Variants in DCLK1 observed in about 807,000 individuals in gnomAD.
DCLK1 encodes the protein doublecortin like kinase 1.
A neutral mutation model predicts 86.2 loss-of-function variants in DCLK1; 16 were observed. The ratio of observed to expected loss-of-function variants is 0.19; its 90% CI spans 0.13 to 0.28. DCLK1 has a LOEUF of 0.28. Among genes scored for constraint, DCLK1 ranks in the 10% least tolerant of loss-of-function variants. DCLK1 has a pLI of 1.00. For missense variants in DCLK1, 590 were observed against 940.2 expected, an observed-to-expected ratio of 0.63 and a Z score of 4.87; for synonymous variants, 369 against 370.5, an observed-to-expected ratio of 1.00 and a Z score of 0.05.
At chr13:35,897,913 G>A (rs1444173123) in intron 4 of DCLK1, among the ~76,000 whole-genome samples, 6 of 152,072 alleles carry the variant, frequency 3.9e-5, no homozygotes, top group South Asian at 2.1e-4. Context: ...TAAACTCTGC[G>A]TTTATAAAAA....
intron 10 of DCLK1, among the ~76,000 whole-genome samples, chr13:35,825,415 T>G (rs1466734965): frequency 6.6e-6 from 1 of 152,102 alleles, no homozygotes; most frequent in African/African-American, 2.4e-5. Context: ...GGTATCTTGG[T>G]GATGTAGAGA....
chr13:36,072,486 T>C (rs761740441), intron 3 of DCLK1, among the ~76,000 whole-genome samples: 3 of 152,262 alleles, frequency 2.0e-5, no homozygotes, highest in Non-Finnish European at 4.4e-5. Context: ...TATATGCTAA[T>C]GTCTTCCTGA....
intron 3 of DCLK1, among the ~76,000 whole-genome samples, chr13:36,020,210 CTA>C (rs973788154): frequency 2.0e-5 from 3 of 152,210 alleles, no homozygotes; most frequent in African/African-American, 7.2e-5. Flanking sequence ...CTTCTTTTCT[CTA>C]TAAGTTACCC....
intron 16 of DCLK1, among the ~76,000 whole-genome samples, chr13:35,783,430 G>A (rs1490492920): frequency 1.3e-5 from 2 of 151,898 alleles, no homozygotes; most frequent in Admixed American, 6.6e-5. Flanking sequence ...TCACCTTTTC[G>A]TAGGTGTGGA....
At chr13:36,024,968 C>T (rs867502290) in intron 3 of DCLK1, among the ~76,000 whole-genome samples, 3 of 139,090 alleles carry the variant, frequency 2.2e-5, no homozygotes, top group South Asian at 2.3e-4. Context: ...TCTTTTCTTT[C>T]TTTTTTTTTT....
intron 10 of DCLK1, among the ~76,000 whole-genome samples, chr13:35,823,731 G>A (rs1022814210): frequency 3.9e-5 from 6 of 152,108 alleles, no homozygotes; most frequent in African/African-American, 7.2e-5. Context: ...GTACCAAACC[G>A]CTATGCACAG....
At chr13:35,886,002 G>C (rs1175333682) in intron 4 of DCLK1, among the ~76,000 whole-genome samples, 1 of 144,394 alleles carries the variant, frequency 6.9e-6, no homozygotes, top group Non-Finnish European at 1.5e-5. Flanking sequence ...AGGCTGAATA[G>C]GTTCCTTTTT....
chr13:35,919,428 C>A (rs1243681358), intron 4 of DCLK1, among the ~76,000 whole-genome samples: 3 of 152,046 alleles, frequency 2.0e-5, no homozygotes, highest in African/African-American at 7.2e-5. Flanking sequence ...ACATTTTAAA[C>A]AGGGGATTGT....
intron 8 of DCLK1, among the ~76,000 whole-genome samples, chr13:35,833,739 CACA>C (rs1252434241): frequency 6.6e-6 from 1 of 152,192 alleles, no homozygotes; most frequent in African/African-American, 2.4e-5. Flanking sequence ...GTGTGCCATT[CACA>C]ACATTCTTAG....
intron 10 of DCLK1, among the ~76,000 whole-genome samples, chr13:35,826,523 C>CAAAAAAAAAAAAAAAAAAAAAAA: frequency 5.0e-5 from 1 of 19,818 alleles, no homozygotes; most frequent in Non-Finnish European, 1.3e-4. Flanking sequence ...AACTCCATCT[C>CAAAAAAAAAAAAAAAAAAAAAAA]AAAAAAAAAA....
At chr13:35,868,963 G>C (rs11147590) in intron 5 of DCLK1, 90,169 of 357,426 alleles carry the variant, frequency 0.25, 11,874 homozygotes, top group Admixed American at 0.35. Context: ...GCTAATTTTT[G>C]TATTTTTAGT....
At chr13:36,108,080 A>G (rs1459951204) in intron 3 of DCLK1, among the ~76,000 whole-genome samples, 2 of 121,962 alleles carry the variant, frequency 1.6e-5, no homozygotes, top group Non-Finnish European at 3.2e-5. Context: ...AGATTTAAAA[A>G]AAAAAAAAAT....
intron 4 of DCLK1, among the ~76,000 whole-genome samples, chr13:35,879,375 T>G (rs1288770167): frequency 6.6e-6 from 1 of 152,210 alleles, no homozygotes; most frequent in Admixed American, 6.5e-5. Flanking sequence ...ATGTAACATC[T>G]GCAGAAGGCT....
chr13:36,118,699 C>T (rs79836482), intron 2 of DCLK1, among the ~76,000 whole-genome samples: 3,792 of 152,084 alleles, frequency 0.025, 67 homozygotes, highest in Non-Finnish European at 0.039. Context: ...GAGAGAGAGA[C>T]GTTAAGGGTG....
chr13:35,938,454 C>T (rs1057350003), intron 4 of DCLK1, among the ~76,000 whole-genome samples: 3 of 152,016 alleles, frequency 2.0e-5, no homozygotes, highest in Non-Finnish European at 4.4e-5. Context: ...ACGGTGAAAC[C>T]CCATCTCTAC....
Position 35,947,351 on chromosome 13 carries a change from T to G in DCLK1, c.823+7A>C. 6.2e-7 allele frequency: 1 copy of G among 1,613,050 alleles called. No individual in the cohort carries two copies. The highest frequency in any genetic ancestry group is 8.5e-7 in the Non-Finnish European group (1 of 1,179,252). Reference sequence around the variant, plus strand: ...TTCCCCTGGTTTTGAACTTTTTTTTTCCTTACCACTTTCATCTAGCAAGAA... The same window carrying G: ...TTCCCCTGGTTTTGAACTTTTTTTTGCCTTACCACTTTCATCTAGCAAGAA... On this transcript the variant is annotated splice_region_variant and intron_variant, in intron 4 of 16. Coordinates refer to ENST00000360631, the MANE Select transcript of DCLK1 (RefSeq NM_001330071.2).
intron 4 of DCLK1, among the ~76,000 whole-genome samples, chr13:35,882,640 T>C (rs1872984054): frequency 6.6e-6 from 1 of 152,206 alleles, no homozygotes; most frequent in African/African-American, 2.4e-5. Context: ...TTAACTGCAC[T>C]AAGTAACCTC....
chr13:36,095,536 A>G (rs1884983075), intron 3 of DCLK1, among the ~76,000 whole-genome samples: 1 of 152,074 alleles, frequency 6.6e-6, no homozygotes, highest in Non-Finnish European at 1.5e-5. Flanking sequence ...CAAACTCCCA[A>G]ATGTTTCCAA....
At chr13:35,858,012 G>GAAAAAC (rs1871169638) in intron 5 of DCLK1, among the ~76,000 whole-genome samples, 1 of 152,136 alleles carries the variant, frequency 6.6e-6, no homozygotes, top group Non-Finnish European at 1.5e-5. Context: ...GCAATGAGAA[G>GAAAAAC]AAAAACAAAA....
Sources: gnomAD v4.1 joint callset for allele counts (sites outside exome capture counted in the v4.1 genomes callset) on GRCh38, gnomAD v4.1.1 for gene constraint, MANE v1.5 for transcripts, NCBI Gene and HGNC (gene_info 2026-07-23, HGNC 2026-07-21) for gene names.